HOGA1: variants seen among roughly 807,000 people sequenced by gnomAD.
HOGA1 encodes 4-hydroxy-2-oxoglutarate aldolase, mitochondrial.
A neutral mutation model predicts 34.3 loss-of-function variants in HOGA1; 30 were observed. The observed-to-expected ratio is 0.87, with a 90% CI of 0.65 to 1.19. The LOEUF is 1.19. HOGA1 is among the 50% of genes most tolerant of loss of function. The probability of loss-of-function intolerance (pLI) is 0.00; values close to 1 mark genes in which losing one functional copy is unlikely to be tolerated. For missense variants in HOGA1, 417 were observed against 436.5 expected (o/e 0.96, Z 0.40); for synonymous variants, 161 against 174.0 (o/e 0.93, Z 0.59).
chr10:97,591,817 T>TGTG (rs2041026600), intron 1 of HOGA1, among the ~76,000 whole-genome samples: 2 of 111,056 alleles, frequency 1.8e-5, no homozygotes, highest in African/African-American at 3.6e-5. Flanking sequence ...TTCTTTCATT[T>TGTG]TGTGTGTGTG....
chr10:97,590,030 G>A (rs1338697562), intron 1 of HOGA1: 2 of 1,614,206 alleles, frequency 1.2e-6, no homozygotes. Context: ...CCTTTCCGAA[G>A]AGAAGCTGGC....
intron 1 of HOGA1, among the ~76,000 whole-genome samples, chr10:97,587,610 C>T (rs76544494): frequency 1.3e-5 from 2 of 151,934 alleles, no homozygotes; most frequent in South Asian, 2.1e-4. Context: ...TGGGTTCAAG[C>T]GATTCTCATG....
At chr10:97,598,933 T>A (rs1166983035) in intron 2 of HOGA1, 30 bp downstream of exon 2, 1 of 1,611,740 alleles carries the variant, frequency 6.2e-7, no homozygotes, top group South Asian at 1.1e-5. Flanking sequence ...GCCCTGGGGG[T>A]GGGTGGATGT....
At chr10:97,601,080 A>G (rs2041112054) in intron 5 of HOGA1, 1 of 153,074 alleles carries the variant, frequency 6.5e-6, no homozygotes, top group Non-Finnish European at 1.5e-5. Context: ...CAGAGGGATC[A>G]TGAGGATTAG....
At position 97,605,429 on chromosome 10, in the gene HOGA1, A is replaced by T. The variant is rs12766147; in HGVS notation, c.834+3439A>T. 2.0e-5 allele frequency among the ~76,000 whole-genome samples: 3 copies of T among 151,886 alleles called. No homozygotes were observed. In the East Asian group the frequency reaches 5.8e-4, roughly 29 times the overall value. On this transcript the variant is annotated intron_variant, in intron 6 of 6. Transcript: ENST00000370646. ...CTGTCTCAAAAAAAAAAAACAAAAA[A>T]CCAAAACAAACAAAAAACAAACCCG...
chr10:97,593,313 T>G (rs1477556194), intron 1 of HOGA1, among the ~76,000 whole-genome samples: 4 of 151,838 alleles, frequency 2.6e-5, no homozygotes, highest in African/African-American at 9.7e-5. Context: ...CCATCTCTAC[T>G]AAAAATACAA....
intron 5 of HOGA1, 32 bp from the exon 6 acceptor site, chr10:97,601,825 C>G: frequency 6.2e-7 from 1 of 1,611,842 alleles, no homozygotes; most frequent in Non-Finnish European, 8.5e-7. Flanking sequence ...GGGAGAGGCT[C>G]TGGCTGATGT....
intron 6 of HOGA1, among the ~76,000 whole-genome samples, chr10:97,605,182 G>A (rs958697023): frequency 6.6e-6 from 1 of 152,112 alleles, no homozygotes; most frequent in East Asian, 1.9e-4. Context: ...GCTGAGGGGG[G>A]TCGAATGCTT....
intron 6 of HOGA1, chr10:97,602,610 T>C: frequency 1.0e-6 from 1 of 982,950 alleles, no homozygotes; most frequent in Non-Finnish European, 1.2e-6. Context: ...ATCCTTTCTT[T>C]CCTTCGTTCC....
At chr10:97,595,046 T>C (rs1161222158) in intron 1 of HOGA1, among the ~76,000 whole-genome samples, 1 of 152,198 alleles carries the variant, frequency 6.6e-6, no homozygotes, top group Non-Finnish European at 1.5e-5. Context: ...ACACTCCTTA[T>C]GTGATTCTTT....
At chr10:97,599,927 TTC>T in intron 4 of HOGA1, 113 bp downstream of exon 4, 4 of 1,556,534 alleles carry the variant, frequency 2.6e-6, no homozygotes, top group Non-Finnish European at 3.5e-6. Flanking sequence ...TCTGTGTGGA[TTC>T]TCTCTGTCGT....
In HOGA1 at chr10:97,611,930, A is replaced by G. The variant is rs1391117895; in HGVS notation, c.*271A>G. On this transcript the variant is annotated 3_prime_UTR_variant, in exon 7 of 7. Transcript: ENST00000370646. ...GAGCAATTTCTCAATTTATCTTTCT[A>G]CTGTGGATGCTTTCCTACGCCCTGA... is the stretch of plus-strand genomic sequence containing the variant. 2.0e-5 allele frequency: 10 copies of G among 503,642 alleles called. No homozygotes were observed. Among genetic ancestry groups the G allele is most frequent in the Non-Finnish European group, 3.6e-5 (10 of 279,934 alleles). The allele number at this position is 503,642 out of a possible 1,614,324, so 31.2% of individuals were successfully genotyped here. A position where few individuals can be genotyped will look rare whatever the true frequency, so the allele number is the denominator to read the frequency against.
rs568285559 is a variant in HOGA1 at position 97,599,000 on chromosome 10, C to T, written c.341-89C>T. On this transcript the variant is annotated intron_variant, in intron 2 of 6. Coordinates refer to ENST00000370646, the MANE Select transcript of HOGA1 (RefSeq NM_138413.4). ...GTCCTGTCTCCTTGTTCTGCCTCTT[C>T]TGGGACATGCTGAGGCACCTTCGCT... 8.1e-4 allele frequency: 1,299 copies of T among 1,607,596 alleles called. 1 individual carries two copies. Among genetic ancestry groups the T allele is most frequent in the African/African-American group, 6.4e-3 (477 of 74,980 alleles).
At chr10:97,590,849 C>T (rs2041016495) in intron 1 of HOGA1, 2 of 519,944 alleles carry the variant, frequency 3.8e-6, no homozygotes, top group Non-Finnish European at 7.1e-6. Flanking sequence ...TGAAGACCCA[C>T]CAAGAGAAGA....
chr10:97,601,931 A>C lies in HOGA1; in HGVS notation c.775A>C (p.Thr259Pro), dbSNP rs2041121011. 1.2e-6 allele frequency: 2 copies of C among 1,613,098 alleles called. No homozygotes were observed. The highest frequency in any genetic ancestry group is 2.7e-5 in the African/African-American group (2 of 74,906). ...GTGCCAGCTGGAGCGACTGTGCTGC[A>C]CGGGGCAATGGGAAGATGCCCAGAA... ...QVCQLERLCCTGQWEDAQKLQ... is the reference protein window; with the variant it reads ...QVCQLERLCCPGQWEDAQKLQ... Residue 259 changes from threonine to proline, a missense_variant, in exon 6 of 7, where the codon ACG (threonine) becomes CCG (proline). By Grantham distance (38) the Thr-to-Pro change is conservative. Transcript: ENST00000370646.
At chr10:97,586,758 TG>T (rs956622709) in intron 1 of HOGA1, among the ~76,000 whole-genome samples, 1 of 152,124 alleles carries the variant, frequency 6.6e-6, no homozygotes, top group African/African-American at 2.4e-5. Context: ...GCAGAGGGCA[TG>T]GGGTGCCCAG....
intron 6 of HOGA1, among the ~76,000 whole-genome samples, chr10:97,604,213 T>G (rs559839458): frequency 6.6e-6 from 1 of 152,372 alleles, no homozygotes; most frequent in East Asian, 1.9e-4. Flanking sequence ...TTTTTTCCAC[T>G]CAGCATAATT....
At chr10:97,599,336 A>G (rs1416968711) in intron 3 of HOGA1, 120 bp downstream of exon 3, 10 of 1,203,008 alleles carry the variant, frequency 8.3e-6, no homozygotes, top group Admixed American at 8.0e-5. Context: ...GACTGCCACC[A>G]TGGATCAGCT....
intron 1 of HOGA1, among the ~76,000 whole-genome samples, chr10:97,595,839 C>T (rs1180286978): frequency 6.6e-6 from 1 of 152,192 alleles, no homozygotes; most frequent in East Asian, 1.9e-4. Context: ...TTTCCCCAGT[C>T]CCTGCTTCAT....
Sources: gnomAD v4.1 joint callset for allele counts (sites outside exome capture counted in the v4.1 genomes callset) on GRCh38, gnomAD v4.1.1 for gene constraint, MANE v1.5 for transcripts, NCBI Gene and HGNC (gene_info 2026-07-23, HGNC 2026-07-21) for gene names.